Variants in RPAP1 observed in about 807,000 individuals in gnomAD.
RPAP1 encodes RNA polymerase II-associated protein 1.
RPAP1 carries 109 observed loss-of-function variants against 142.4 expected under a neutral mutation model. The ratio of observed to expected loss-of-function variants is 0.77; its 90% CI spans 0.66 to 0.90. The LOEUF is 0.90. Ranked by LOEUF, RPAP1 falls within the 40% of genes least tolerant of loss-of-function variation. The pLI, the probability that RPAP1 is intolerant of heterozygous loss-of-function variation, is 0.00. For missense variants in RPAP1, 1,546 were observed against 1,751.7 expected, an observed-to-expected ratio of 0.88 and a Z score of 2.10; for synonymous variants, 704 against 738.9, an observed-to-expected ratio of 0.95 and a Z score of 0.77.
chr15:41,526,985 G>T lies in RPAP1; in HGVS notation c.1830C>A (p.Thr610=). The T allele has an allele frequency of 6.2e-7, 1 of 1,614,202 alleles. No homozygotes were observed. Among genetic ancestry groups the T allele is most frequent in the Non-Finnish European group, 8.5e-7 (1 of 1,180,020 alleles). The change falls in exon 14 of 25, where the codon ACC becomes ACA. Residue 610 remains threonine, a synonymous_variant. Transcript: ENST00000304330. ...TSWSPVGAGP[T]PSLYKVPCAT... is the part of the protein sequence containing the mutation. ...CACAGGGTACTTTGTATAGACTAGG[G>T]GTAGGCCCTGCCCCCACAGGAGACC... is the stretch of plus-strand genomic sequence containing the variant.
chr15:41,528,550 C>T (rs1335613774), intron 9 of RPAP1, among the ~76,000 whole-genome samples: 6 of 152,030 alleles, frequency 3.9e-5, no homozygotes, highest in Admixed American at 1.3e-4. Context: ...AATTTGCGAC[C>T]GGCGGACAGG....
At chr15:41,538,067 C>T (rs2051931021) in intron 1 of RPAP1, among the ~76,000 whole-genome samples, 1 of 152,022 alleles carries the variant, frequency 6.6e-6, no homozygotes, top group Admixed American at 6.6e-5. Context: ...CACGGTGAAA[C>T]CCCGTCTCTA....
At chr15:41,522,730 C>T in intron 19 of RPAP1, 35 bp downstream of exon 19, 1 of 1,503,428 alleles carries the variant, frequency 6.7e-7, no homozygotes, top group African/African-American at 1.4e-5. Flanking sequence ...ATCTTGGCCC[C>T]TTGCCTGGCC....
At chr15:41,530,393 G>A (rs946345519) in intron 7 of RPAP1, among the ~76,000 whole-genome samples, 8 of 152,286 alleles carry the variant, frequency 5.3e-5, no homozygotes, top group Admixed American at 5.2e-4. Context: ...ACTGCTCCTG[G>A]GGGGCAGGAT....
chr15:41,520,302 G>T, intron 22 of RPAP1, 89 bp downstream of exon 22: 1 of 1,418,446 alleles, frequency 7.0e-7, no homozygotes. Context: ...TGAGGAAGCT[G>T]AGGTCTTCCA....
intron 1 of RPAP1, among the ~76,000 whole-genome samples, chr15:41,537,776 G>A (rs528317146): frequency 1.3e-5 from 2 of 151,988 alleles, no homozygotes; most frequent in Admixed American, 1.3e-4. Flanking sequence ...CCAGCTACCT[G>A]GGAGGCTGAG....
chr15:41,520,727 A>T lies in RPAP1; in HGVS notation c.3459T>A (p.Ala1153=), dbSNP rs567852336. ...RPQALWAVPP[A]ARLARLMCVF... Reference sequence around the variant, plus strand: ...CACACATGAGCCGTGCCAGGCGGGCAGCAGGGGGCACAGCCCAGAGAGCCT... The same window carrying T: ...CACACATGAGCCGTGCCAGGCGGGCTGCAGGGGGCACAGCCCAGAGAGCCT... Residue 1153 remains alanine, a synonymous_variant, in exon 22 of 25, where the codon GCT becomes GCA. Coordinates refer to ENST00000304330, the MANE Select transcript of RPAP1 (RefSeq NM_015540.4). The T allele has an allele frequency of 2.5e-6, 4 of 1,613,994 alleles. No homozygotes were observed. In the Admixed American group the frequency reaches 5.0e-5, roughly 20 times the overall value.
chr15:41,531,223 G>A, intron 6 of RPAP1, 21 bp from the exon 7 acceptor site: 1 of 1,597,538 alleles, frequency 6.3e-7, no homozygotes, highest in Non-Finnish European at 8.6e-7. Context: ...AGGTAGAGGG[G>A]AGAGTGAGTG....
At chr15:41,522,399 G>T (rs962302957) in intron 19 of RPAP1, 149 bp from the exon 20 acceptor site, 47 of 765,592 alleles carry the variant, frequency 6.1e-5, no homozygotes, top group East Asian at 1.4e-4. Flanking sequence ...TTTCTTTTTG[G>T]TTTTTTTTGA....
In RPAP1 at chr15:41,529,890, G is replaced by A; in HGVS notation, c.1033C>T (p.Pro345Ser). The A allele has an allele frequency of 1.2e-6, 2 of 1,612,204 alleles. No homozygotes were observed. The highest frequency in any genetic ancestry group is 1.1e-5 in the South Asian group (1 of 90,778). ...EKLHWTQDLP[P>S]VRRQQTQERM... ...TCCTGTGTCTGCTGCCGCCGGACAG[G>A]GGGCAAGTCCTGGGTCCAGTGGAGC... Residue 345 changes from proline (P) to serine (S), a missense_variant, in exon 8 of 25, where the codon CCT (proline) becomes TCT (serine). By Grantham distance (74) the Pro-to-Ser change is moderately conservative. Coordinates refer to ENST00000304330, the MANE Select transcript of RPAP1 (RefSeq NM_015540.4).
Position 41,518,065 on chromosome 15 carries a change from A to T in RPAP1, c.3913T>A (p.Tyr1305Asn). ...TTGACATGAGCCACAGCCACAGCAT[A>T]GAGCACGGGGCACCAACGTGGGCGG... is the stretch of plus-strand genomic sequence containing the variant. ...ALRPRWCPVLYAVAVAHVNSF... is the reference protein window; with the variant it reads ...ALRPRWCPVLNAVAVAHVNSF... Residue 1305 changes from tyrosine to asparagine, a missense_variant, in exon 23 of 25, where the codon TAT becomes AAT. Physicochemically the swap from Tyr to Asn is moderately radical, Grantham distance 143 (BLOSUM62 -2). Around this residue, in one of 3 missense-constraint regions of RPAP1, gnomAD observed 210 missense variants for 248.0 expected, o/e 0.85. Coordinates refer to ENST00000304330, the MANE Select transcript of RPAP1 (RefSeq NM_015540.4). 6.2e-7 allele frequency: 1 copy of T among 1,613,366 alleles called. No individual in the cohort carries two copies. The highest frequency in any genetic ancestry group is 2.2e-5 in the East Asian group (1 of 44,892).
At chr15:41,522,698 C>CCA in intron 19 of RPAP1, 67 bp downstream of exon 19, 1 of 1,199,632 alleles carries the variant, frequency 8.3e-7, no homozygotes, top group Non-Finnish European at 1.2e-6. Context: ...CCCACCCTCC[C>CCA]ACTTTCTTTC....
At chr15:41,526,298 T>C (rs1218232245) in intron 14 of RPAP1, among the ~76,000 whole-genome samples, 2 of 152,218 alleles carry the variant, frequency 1.3e-5, no homozygotes, top group African/African-American at 4.8e-5. Flanking sequence ...TAGGCTGTAG[T>C]GCAGTGATTG....
In RPAP1 at chr15:41,521,033, G is replaced by T. The variant is rs1358404328; in HGVS notation, c.3153C>A (p.Asp1051Glu). ...QGTLLAQACQ[D>E]LPSIRNCYLT... ...GGTAGCAGTTGCGGATGCTGGGGAG[G>T]TCCTGGCAGGCCTGAGCCAGCAGAG... The change falls in exon 22 of 25, where the codon GAC becomes GAA. Residue 1051 changes from aspartate (D) to glutamate (E), a missense_variant. Asp to Glu is a conservative substitution (Grantham distance 45). Coordinates refer to ENST00000304330, the MANE Select transcript of RPAP1 (RefSeq NM_015540.4). 5.6e-6 allele frequency: 9 copies of T among 1,597,086 alleles called. No homozygotes were observed. The highest frequency in any genetic ancestry group is 4.3e-6 in the Non-Finnish European group (5 of 1,171,600).
Position 41,520,423 on chromosome 15 carries a change from C to T in RPAP1, c.3763G>A (p.Ala1255Thr), listed in dbSNP as rs200808432. Residue 1255 changes from alanine (A) to threonine (T), a missense_variant, in exon 22 of 25, where the codon GCC (alanine) becomes ACC (threonine). By Grantham distance (58) the Ala-to-Thr change is moderately conservative. This residue lies in a region of RPAP1 where 210 missense variants were observed against 248.0 expected (regional missense o/e 0.85). Transcript: ENST00000304330. Reference sequence around the variant, plus strand: ...AGAGGCAGGCTCAGAGCTCGCAAGGCTCCCACGTGTTCCCCAAAGAGGGCA... The same window carrying T: ...AGAGGCAGGCTCAGAGCTCGCAAGGTTCCCACGTGTTCCCCAAAGAGGGCA... ...RLALFGEHVG[A>T]LRALSLPLTQ... The T allele has an allele frequency of 6.2e-7, 1 of 1,613,716 alleles. No individual in the cohort carries two copies. Among genetic ancestry groups the T allele is most frequent in the East Asian group, 2.2e-5 (1 of 44,864 alleles).
rs1367140916 is a variant in RPAP1, at chr15:41,527,155, C to T, written c.1746+12G>A. 9 of 1,613,986 alleles carry T rather than the reference C, an allele frequency of 5.6e-6. No homozygotes were observed. The highest frequency in any genetic ancestry group is 7.6e-6 in the Non-Finnish European group (9 of 1,179,964). On this transcript the variant is annotated intron_variant, in intron 13 of 24. Coordinates refer to ENST00000304330, the MANE Select transcript of RPAP1 (RefSeq NM_015540.4). ...AGGCTTTTTGCCCATTCCCTGCTCC[C>T]TTTTTTCTCACCCTTGTGGCTGATT...
At chr15:41,536,383 AG>A (rs1450787007) in intron 3 of RPAP1, 117 bp downstream of exon 3, 1 of 1,417,334 alleles carries the variant, frequency 7.1e-7, no homozygotes, top group African/African-American at 1.4e-5. Context: ...ACCTGACCTC[AG>A]GGGTAAAAGT....
At position 41,522,245 on chromosome 15, in the gene RPAP1, A is replaced by G. The variant is rs893123364; in HGVS notation, c.2748T>C (p.Ala916=). ...QIHKGLCGQL[A]AILAAPGLQN... ...GGAGTCCCGGGGCAGCCAATATGGC[A>G]GCCAGCTGAGGAAAAGCAATTTTGT... The change falls in exon 20 of 25, where the codon GCT becomes GCC. Residue 916 remains alanine, a synonymous_variant. Coordinates refer to ENST00000304330, the MANE Select transcript of RPAP1 (RefSeq NM_015540.4). 4 of 1,613,644 alleles carry G rather than the reference A, an allele frequency of 2.5e-6. No individual in the cohort carries two copies. The highest frequency in any genetic ancestry group is 3.4e-6 in the Non-Finnish European group (4 of 1,179,936).
chr15:41,517,338 C>A lies in RPAP1; in HGVS notation c.*204G>T, dbSNP rs2051674602. On this transcript the variant is annotated 3_prime_UTR_variant, in exon 25 of 25. Transcript: ENST00000304330. ...AGCCACTCTTCACTCCCAGTACAGA[C>A]CTTCAGAAGCCCCAGATATCAGGAT... 1.2e-5 allele frequency: 6 copies of A among 497,450 alleles called. No homozygotes were observed. The East Asian group carries it at 1.6e-4, about 13-fold the overall frequency. The allele number at this position is 497,450 out of a possible 1,614,324, so 30.8% of individuals were successfully genotyped here.
Sources: gnomAD v4.1 joint callset for allele counts (sites outside exome capture counted in the v4.1 genomes callset) on GRCh38, gnomAD v4.1.1 for gene constraint, gnomAD v4.1.1 regional missense constraint, MANE v1.5 for transcripts, NCBI Gene and HGNC (gene_info 2026-07-23, HGNC 2026-07-21) for gene names.